The following GATAD2A variants were observed in gnomAD, a reference collection of about 807,000 sequenced individuals.
GATAD2A encodes the protein GATA zinc finger domain containing 2A.
Under a neutral mutation model 68.5 loss-of-function variants are expected in GATAD2A, and 12 were observed. The observed-to-expected ratio is 0.18, with a 90% CI of 0.11 to 0.28. The LOEUF (loss-of-function observed/expected upper bound fraction) is 0.28, where lower values mean the gene tolerates loss of function less well. Ranked by LOEUF, GATAD2A falls within the 10% of genes least tolerant of loss-of-function variation. GATAD2A has a pLI of 1.00. For synonymous variants in GATAD2A, 410 were observed against 375.3 expected (o/e 1.09, Z -1.07); for missense variants, 755 against 868.5 (o/e 0.87, Z 1.64).
At chr19:19,485,051 G>C (rs564714324) in intron 2 of GATAD2A, among the ~76,000 whole-genome samples, 1 of 152,296 alleles carries the variant, frequency 6.6e-6, no homozygotes, top group South Asian at 2.1e-4. Flanking sequence ...TCCTAGAGCT[G>C]TTCTCATCTT....
chr19:19,449,988 C>G (rs1236421490), intron 1 of GATAD2A, among the ~76,000 whole-genome samples: 1 of 150,038 alleles, frequency 6.7e-6, no homozygotes, highest in African/African-American at 2.5e-5. Flanking sequence ...CAGGGTCTTG[C>G]TATGTTGCCC....
intron 1 of GATAD2A, among the ~76,000 whole-genome samples, chr19:19,433,329 C>CT (rs2053955257): frequency 6.6e-6 from 1 of 152,146 alleles, no homozygotes; most frequent in Non-Finnish European, 1.5e-5. Context: ...GTCATACTGT[C>CT]TTGATGTAGC....
chr19:19,431,824 A>G (rs1034766015), intron 1 of GATAD2A, among the ~76,000 whole-genome samples: 2 of 151,960 alleles, frequency 1.3e-5, no homozygotes, highest in African/African-American at 2.4e-5. Context: ...TGGGTGAGAA[A>G]GTTCATCGGC....
chr19:19,494,842 G>A (rs897362000), intron 5 of GATAD2A, among the ~76,000 whole-genome samples: 2 of 152,176 alleles, frequency 1.3e-5, no homozygotes, highest in African/African-American at 4.8e-5. Flanking sequence ...CCATCCTGCC[G>A]TGGGCCGGCC....
chr19:19,387,277 C>T (rs1430430980), intron 1 of GATAD2A, among the ~76,000 whole-genome samples: 3 of 151,464 alleles, frequency 2.0e-5, no homozygotes, highest in Non-Finnish European at 4.4e-5. Context: ...GATCTCCCCA[C>T]CCCCACCTCT....
At chr19:19,478,013 A>G (rs1385249613) in intron 2 of GATAD2A, among the ~76,000 whole-genome samples, 1 of 152,228 alleles carries the variant, frequency 6.6e-6, no homozygotes, top group Non-Finnish European at 1.5e-5. Flanking sequence ...TTGTTGGCTG[A>G]TGATTAAATA....
rs772837922 is a variant in GATAD2A at position 19,505,626 on chromosome 19, A to G, written c.*152A>G. The G allele has an allele frequency of 1.2e-5, 8 of 646,092 alleles. No homozygotes were observed. Among genetic ancestry groups the G allele is most frequent in the African/African-American group, 3.9e-5 (2 of 51,878 alleles). The allele number at this position is 646,092 out of a possible 1,614,324, so 40.0% of individuals were successfully genotyped here. ...GCCATGCTGCAGAGGCAAGACCTCA[A>G]TTCTTGGCTGCAAAGTTTCATCAGG... On this transcript the variant is annotated 3_prime_UTR_variant, in exon 12 of 12. Transcript: ENST00000683918.
intron 2 of GATAD2A, among the ~76,000 whole-genome samples, chr19:19,476,727 C>G (rs1417325194): frequency 6.6e-6 from 1 of 152,190 alleles, no homozygotes; most frequent in Non-Finnish European, 1.5e-5. Context: ...CAGGTAGAAA[C>G]AGACGGAGTG....
chr19:19,397,365 G>C (rs1038088121), intron 1 of GATAD2A, among the ~76,000 whole-genome samples: 2 of 151,488 alleles, frequency 1.3e-5, no homozygotes, highest in African/African-American at 4.9e-5. Context: ...GCCTCAGCAG[G>C]AGAATGAGTA....
At position 19,496,182 on chromosome 19, in the gene GATAD2A, A is replaced by G. The variant is rs2288851; in HGVS notation, c.887A>G (p.Asn296Ser). 7.6e-4 allele frequency: 1,232 copies of G among 1,613,908 alleles called. 3 individuals are homozygous for G. Among genetic ancestry groups the G allele is most frequent in the African/African-American group, 7.5e-3 (564 of 75,064 alleles). The change falls in exon 7 of 12, where the codon AAT (asparagine) becomes AGT (serine). Residue 296 changes from asparagine (N) to serine (S), a missense_variant. By Grantham distance (46) the Asn-to-Ser change is conservative (BLOSUM62 1). Transcript: ENST00000683918. ...IIQQGLIRVA[N>S]VPNTSLLVNI... ...CAGCAGGGCCTCATCCGCGTCGCCA[A>G]TGTTCCCAACACCAGCCTGCTCGTC...
chr19:19,466,576 A>G (rs1200600428), intron 2 of GATAD2A, among the ~76,000 whole-genome samples: 2 of 152,214 alleles, frequency 1.3e-5, no homozygotes, highest in Non-Finnish European at 2.9e-5. Context: ...TCTTATGTCA[A>G]ATTCGTTTTT....
intron 1 of GATAD2A, among the ~76,000 whole-genome samples, chr19:19,431,465 G>A (rs2053740671): frequency 6.6e-6 from 1 of 151,516 alleles, no homozygotes; most frequent in South Asian, 2.1e-4. Flanking sequence ...GGAGGCTGAG[G>A]CAGGTGGAAC....
In GATAD2A at chr19:19,508,314, C is replaced by G. The variant is rs1252107232; in HGVS notation, c.*2840C>G. 6.6e-6 allele frequency: 1 copy of G among 152,346 alleles called. No individual in the cohort carries two copies. Among genetic ancestry groups the G allele is most frequent in the African/African-American group, 2.4e-5 (1 of 41,454 alleles). The allele number at this position is 152,346 out of a possible 1,614,324, so 9.4% of individuals were successfully genotyped here. A position where few individuals can be genotyped will look rare whatever the true frequency, so the allele number is the denominator to read the frequency against. The stretch of plus-strand genomic sequence containing the variant: ...CCCACAGCTATGGCCGTCCTGACCT[C>G]ATCCCAGGAACTCTACGGTGACCAG... On this transcript the variant is annotated 3_prime_UTR_variant, in exon 12 of 12. Transcript: ENST00000683918.
In GATAD2A at chr19:19,504,607, C is replaced by T. The variant is rs1027488871; in HGVS notation, c.1775-737C>T. On this transcript the variant is annotated intron_variant, in intron 11 of 11. Coordinates refer to ENST00000683918, the MANE Select transcript of GATAD2A (RefSeq NM_001384528.1). ...GTTTGAGACCAGTAAACAACAACAA[C>T]AACACTTGAGGGTAGGAGATAGTTT... Among the ~76,000 whole-genome samples, 72 of 150,598 alleles carry T rather than the reference C, an allele frequency of 4.8e-4. 1 individual carries two copies. Among genetic ancestry groups the T allele is most frequent in the Non-Finnish European group, 9.3e-4 (63 of 67,812 alleles).
At chr19:19,490,206 G>A (rs889490812) in intron 2 of GATAD2A, among the ~76,000 whole-genome samples, 2 of 152,180 alleles carry the variant, frequency 1.3e-5, no homozygotes, top group Non-Finnish European at 2.9e-5. Context: ...TAGGACCAGC[G>A]TTCAGGTACA....
At chr19:19,423,752 G>A (rs552180121) in intron 1 of GATAD2A, among the ~76,000 whole-genome samples, 3 of 152,332 alleles carry the variant, frequency 2.0e-5, no homozygotes, top group East Asian at 1.9e-4. Context: ...GAATGAATGC[G>A]AAGTGTGGGG....
intron 2 of GATAD2A, among the ~76,000 whole-genome samples, chr19:19,487,707 A>G (rs1486174701): frequency 1.3e-5 from 2 of 152,320 alleles, no homozygotes; most frequent in East Asian, 3.9e-4. Flanking sequence ...CAGGCAGAAC[A>G]TGGCCATGCT....
rs1192789940 is a variant in GATAD2A, at chr19:19,473,774, TAAA to T, written c.269+8180_269+8182del. On this transcript the variant is annotated intron_variant, in intron 2 of 11. Transcript: ENST00000683918. ...AACATGGTGAAACCCCGTCTCTACTTAAAAAAAAAAAAAAAAAAAAAATTAGCC... is the reference window on the plus strand; with the variant it reads ...AACATGGTGAAACCCCGTCTCTACTTAAAAAAAAAAAAAAAAAAATTAGCC... 9.6e-3 allele frequency among the ~76,000 whole-genome samples: 1,189 copies of T among 123,338 alleles called. 20 individuals carry two copies. Among genetic ancestry groups the T allele is most frequent in the African/African-American group, 0.034 (1,118 of 32,996 alleles). The allele number at this position is 123,338 out of a possible 152,430, so 80.9% of individuals were successfully genotyped here. A position where few individuals can be genotyped will look rare whatever the true frequency, so the allele number is the denominator to read the frequency against.
chr19:19,501,143 G>A lies in GATAD2A; in HGVS notation c.1230G>A (p.Val410=), dbSNP rs2060497238. ...CAGGCAGGATGTCGGCCGCCACTGT[G>A]CTGTCCCGGGAGCCCTACATGTGTG... The part of the protein sequence containing the change: ...TQAGRMSAAT[V]LSREPYMCAQ... The change falls in exon 9 of 12, where the codon GTG becomes GTA. Residue 410 remains valine (V), a synonymous_variant. Coordinates refer to ENST00000683918, the MANE Select transcript of GATAD2A (RefSeq NM_001384528.1). The A allele has an allele frequency of 6.2e-7, 1 of 1,612,204 alleles. No homozygotes were observed. Among genetic ancestry groups the A allele is most frequent in the African/African-American group, 1.3e-5 (1 of 74,922 alleles).
Sources: allele counts gnomAD v4.1 joint callset (sites outside exome capture counted in the v4.1 genomes callset), GRCh38; gene constraint gnomAD v4.1.1; transcripts MANE v1.5; gene names NCBI Gene and HGNC (gene_info 2026-07-23, HGNC 2026-07-21).